ANKS1B: variants seen among roughly 807,000 people sequenced by gnomAD.
ANKS1B encodes the protein ankyrin repeat and sterile alpha motif domain-containing protein 1B.
In ANKS1B, 36 loss-of-function variants were observed where a neutral mutation model predicts 148.3. The observed-to-expected ratio is 0.24, with a 90% CI of 0.19 to 0.32. ANKS1B has a LOEUF of 0.32. Ranked by LOEUF, ANKS1B falls within the 10% of genes least tolerant of loss-of-function variation. ANKS1B has a pLI of 1.00. For synonymous variants in ANKS1B, 542 were observed against 560.8 expected (o/e 0.97, Z 0.47); for missense variants, 1,157 against 1,542.6 (o/e 0.75, Z 4.19).
At chr12:99,327,627 T>TC (rs962409474) in intron 12 of ANKS1B, among the ~76,000 whole-genome samples, 3 of 148,914 alleles carry the variant, frequency 2.0e-5, no homozygotes, top group Non-Finnish European at 4.5e-5. Flanking sequence ...GGTATATGTA[T>TC]CCCCCCCATA....
At chr12:99,410,703 A>G (rs2094671604) in intron 11 of ANKS1B, among the ~76,000 whole-genome samples, 1 of 152,142 alleles carries the variant, frequency 6.6e-6, no homozygotes, top group African/African-American at 2.4e-5. Flanking sequence ...AAAAGTTAAC[A>G]GGAAATTTCT....
rs1169626037 is a variant in ANKS1B, at chr12:98,847,363, T to C, written c.2779-15227A>G. Among the ~76,000 whole-genome samples, 6 of 152,338 alleles carry C rather than the reference T, an allele frequency of 3.9e-5. No individual in the cohort carries two copies. The East Asian group carries it at 1.2e-3, about 29-fold the overall frequency. On this transcript the variant is annotated intron_variant, in intron 17 of 26. Coordinates refer to ENST00000683438, the MANE Select transcript of ANKS1B (RefSeq NM_001352186.2). ...ACATTGAAGTGAGATCATATAGTATTTGCTTTCTGTGCCTGGCTTATTTCA... is the reference window on the plus strand; with the variant it reads ...ACATTGAAGTGAGATCATATAGTATCTGCTTTCTGTGCCTGGCTTATTTCA...
At chr12:98,764,317 C>T (rs995671109) in intron 25 of ANKS1B, among the ~76,000 whole-genome samples, 14 of 152,200 alleles carry the variant, frequency 9.2e-5, no homozygotes, top group African/African-American at 2.7e-4. Context: ...ACCTTCGCCT[C>T]CTGGGTTCAA....
At chr12:99,581,644 A>C (rs933238240) in intron 9 of ANKS1B, among the ~76,000 whole-genome samples, 2 of 151,674 alleles carry the variant, frequency 1.3e-5, no homozygotes, top group African/African-American at 4.8e-5. Flanking sequence ...TAATCCCAGC[A>C]CTTTGGGAGG....
intron 25 of ANKS1B, 65 bp downstream of exon 25, chr12:98,772,977 C>A: frequency 1.3e-6 from 2 of 1,575,802 alleles, no homozygotes; most frequent in Non-Finnish European, 8.6e-7. Flanking sequence ...ATAAGTTGGG[C>A]TTTCAATACA....
chr12:98,735,647 G>A, intron 9 of ANKS1B: 1 of 762,380 alleles, frequency 1.3e-6, no homozygotes, highest in South Asian at 1.4e-5. Flanking sequence ...GTAAAAAAGA[G>A]AATTCATTTA....
intron 12 of ANKS1B, among the ~76,000 whole-genome samples, chr12:99,270,005 G>C (rs964699658): frequency 1.3e-5 from 2 of 152,116 alleles, no homozygotes; most frequent in Admixed American, 6.5e-5. Context: ...ATGATGAATA[G>C]TACATTTTTC....
intron 12 of ANKS1B, among the ~76,000 whole-genome samples, chr12:99,262,271 T>C (rs2076002955): frequency 6.6e-6 from 1 of 152,088 alleles, no homozygotes; most frequent in Non-Finnish European, 1.5e-5. Context: ...ACTTATGCTA[T>C]CTTAGGAGGA....
intron 14 of ANKS1B, among the ~76,000 whole-genome samples, chr12:99,234,246 T>C (rs1492247): frequency 4.6e-5 from 7 of 152,126 alleles, no homozygotes; most frequent in African/African-American, 1.7e-4. Context: ...CCCTTCCCAA[T>C]TGTCAAGCAA....
chr12:99,014,763 A>G (rs1169711932), intron 17 of ANKS1B, among the ~76,000 whole-genome samples: 2 of 152,348 alleles, frequency 1.3e-5, no homozygotes, highest in South Asian at 2.1e-4. Flanking sequence ...CAACAATCAC[A>G]TGAAAAAAGC....
intron 17 of ANKS1B, among the ~76,000 whole-genome samples, chr12:98,967,415 G>A (rs1042143341): frequency 1.3e-5 from 2 of 151,926 alleles, no homozygotes; most frequent in Admixed American, 1.3e-4. Flanking sequence ...CCCTCGATGA[G>A]GTACCCATTG....
intron 11 of ANKS1B, among the ~76,000 whole-genome samples, chr12:99,412,281 C>T (rs766479881): frequency 6.6e-6 from 1 of 152,114 alleles, no homozygotes; most frequent in African/African-American, 2.4e-5. Flanking sequence ...CTTGGTCAAG[C>T]ACTTTTTATA....
intron 9 of ANKS1B, among the ~76,000 whole-genome samples, chr12:99,548,898 A>G (rs1197381996): frequency 6.6e-6 from 1 of 152,192 alleles, no homozygotes; most frequent in Admixed American, 6.5e-5. Flanking sequence ...GCATAAGTGT[A>G]GGGAACAAGA....
intron 1 of ANKS1B, among the ~76,000 whole-genome samples, chr12:99,881,268 A>G (rs1037129036): frequency 6.6e-6 from 1 of 152,148 alleles, no homozygotes; most frequent in Non-Finnish European, 1.5e-5. Context: ...CTCTTATATC[A>G]TCATTATTAC....
intron 1 of ANKS1B, among the ~76,000 whole-genome samples, chr12:99,885,584 T>G (rs2092782732): frequency 6.6e-6 from 1 of 152,296 alleles, no homozygotes; most frequent in African/African-American, 2.4e-5. Flanking sequence ...ATTACAGGCT[T>G]GAGCCACCGC....
intron 9 of ANKS1B, among the ~76,000 whole-genome samples, chr12:99,585,366 T>G (rs1358262591): frequency 6.6e-6 from 1 of 152,182 alleles, no homozygotes; most frequent in African/African-American, 2.4e-5. Context: ...TCCCATGGCC[T>G]TGGACAGCTC....
chr12:99,613,944 T>A (rs996528799), intron 9 of ANKS1B, among the ~76,000 whole-genome samples: 1 of 151,966 alleles, frequency 6.6e-6, no homozygotes, highest in African/African-American at 2.4e-5. Flanking sequence ...ATTTACCCTA[T>A]CCTATTCCAA....
At chr12:99,033,162 T>C (rs1316108832) in intron 17 of ANKS1B, among the ~76,000 whole-genome samples, 1 of 152,206 alleles carries the variant, frequency 6.6e-6, no homozygotes, top group Non-Finnish European at 1.5e-5. Context: ...TTTCAACCAA[T>C]GAATGCAAAT....
chr12:99,874,032 T>C (rs938531726), intron 1 of ANKS1B, among the ~76,000 whole-genome samples: 1 of 151,004 alleles, frequency 6.6e-6, no homozygotes, highest in African/African-American at 2.5e-5. Context: ...CATATATATA[T>C]ATATATATCC....
Sources: gnomAD v4.1 joint callset for allele counts (sites outside exome capture counted in the v4.1 genomes callset) on GRCh38, gnomAD v4.1.1 for gene constraint, MANE v1.5 for transcripts, NCBI Gene and HGNC (gene_info 2026-07-23, HGNC 2026-07-21) for gene names.